The following PLCD4 variants were observed in gnomAD, a reference collection of about 807,000 sequenced individuals.
PLCD4 encodes the protein 1-phosphatidylinositol 4,5-bisphosphate phosphodiesterase delta-4.
A neutral mutation model predicts 90.2 loss-of-function variants in PLCD4; 63 were observed. The observed-to-expected ratio is 0.70, with a 90% CI of 0.57 to 0.86. The LOEUF (loss-of-function observed/expected upper bound fraction) is 0.86. PLCD4 is among the 40% of genes least tolerant of loss of function. PLCD4 has a pLI of 0.00. For missense variants in PLCD4, 830 were observed against 956.3 expected, an observed-to-expected ratio of 0.87 and a Z score of 1.74; for synonymous variants, 294 against 356.5, an observed-to-expected ratio of 0.82 and a Z score of 1.97.
chr2:218,634,113 T>C lies in PLCD4; in HGVS notation c.1615T>C (p.Phe539Leu). The change falls in exon 12 of 16, where the codon TTT becomes CTT. Residue 539 changes from phenylalanine (F) to leucine (L), a missense_variant. Coordinates refer to ENST00000450993, the MANE Select transcript of PLCD4 (RefSeq NM_032726.4). The surrounding 1 kb of genome is among the most constrained non-coding windows in gnomAD (Gnocchi z 4.0). ...KRLIKEAGNEFVQHNTWQLSR... is the reference protein window; with the variant it reads ...KRLIKEAGNELVQHNTWQLSR... ...TCTATACCCTTTTACAGGCAATGAG[T>C]TTGTGCAGCACAATACTTGGCAGTT... is the stretch of plus-strand genomic sequence containing the variant. The C allele has an allele frequency of 6.2e-7, 1 of 1,609,784 alleles. No individual in the cohort carries two copies.
rs1157021732 is a variant in PLCD4 at position 218,616,938 on chromosome 2, A to ATATATG, written c.181+876_181+877insTATATG. ...TATATATATATATATAGAGAGAGAG[A>ATATATG]GAGAGAGAGAGAGAGAGAGAGAGAG... On this transcript the variant is annotated intron_variant, in intron 3 of 15. Transcript: ENST00000450993. Among the ~76,000 whole-genome samples, 3 of 29,278 alleles carry ATATATG rather than the reference A, an allele frequency of 1.0e-4. 1 individual carries two copies. The highest frequency in any genetic ancestry group is 1.9e-4 in the Non-Finnish European group (3 of 15,806). 19.2% of individuals were successfully genotyped at this position (29,278 alleles called of 152,430 possible).
chr2:218,626,614 T>C (rs1696130487), intron 6 of PLCD4, among the ~76,000 whole-genome samples: 1 of 152,222 alleles, frequency 6.6e-6, no homozygotes, highest in African/African-American at 2.4e-5. Flanking sequence ...GAGTGAGTGC[T>C]TGATAACTGT....
intron 1 of PLCD4, among the ~76,000 whole-genome samples, chr2:218,611,378 A>T (rs901795605): frequency 6.6e-6 from 1 of 152,160 alleles, no homozygotes; most frequent in African/African-American, 2.4e-5. Flanking sequence ...CTCGGTTCTC[A>T]GGCTTCCCAT....
intron 9 of PLCD4, 24 bp from the exon 10 acceptor site, chr2:218,632,112 G>T: frequency 6.3e-7 from 1 of 1,582,884 alleles, no homozygotes; most frequent in Non-Finnish European, 8.6e-7. Context: ...CAGGTAGACA[G>T]GCCCCTTCAT....
chr2:218,620,927 A>T (rs1317151206), intron 4 of PLCD4, among the ~76,000 whole-genome samples: 1 of 147,282 alleles, frequency 6.8e-6, no homozygotes, highest in African/African-American at 2.5e-5. Context: ...AAGCTAAAGG[A>T]ATATGGACTT....
intron 10 of PLCD4, among the ~76,000 whole-genome samples, chr2:218,632,713 A>G (rs1162621118): frequency 6.6e-6 from 1 of 152,096 alleles, no homozygotes; most frequent in Non-Finnish European, 1.5e-5. Context: ...TATGTGTAAC[A>G]TTATTATATT....
Position 218,618,801 on chromosome 2 carries a change from TG to T in PLCD4, c.406del (p.Asp136ThrfsTer4). ...LVTSMDHQER[L>X]DQWLSDWFQR... ...ACCAGCATGGACCATCAGGAGCGCC[TG>T]GACCAGTATCGGCAGGATGGAGTCA... On this transcript the variant is annotated frameshift_variant, in exon 4 of 16. Coordinates refer to ENST00000450993, the MANE Select transcript of PLCD4 (RefSeq NM_032726.4). LOFTEE classifies it high-confidence loss of function. The T allele has an allele frequency of 6.3e-7, 1 of 1,585,780 alleles. No homozygotes were observed. The highest frequency in any genetic ancestry group is 1.8e-5 in the Admixed American group (1 of 55,058).
At chr2:218,609,985 G>A (rs138903355) in intron 1 of PLCD4, 1 of 152,504 alleles carries the variant, frequency 6.6e-6, no homozygotes, top group Non-Finnish European at 1.5e-5. Flanking sequence ...AAGAGAGAGA[G>A]AGAGGTGGGG....
intron 8 of PLCD4, among the ~76,000 whole-genome samples, chr2:218,630,091 C>G (rs1696295233): frequency 1.3e-5 from 2 of 152,170 alleles, no homozygotes; most frequent in Non-Finnish European, 2.9e-5. Flanking sequence ...GCAGGACAAT[C>G]CTTTGAACCC....
Position 218,615,919 on chromosome 2 carries a change from A to G in PLCD4, c.38A>G (p.Gln13Arg), listed in dbSNP as rs773100103. ...SLLQDQLTTDQDLLLMQEGMP... is the reference protein window; with the variant it reads ...SLLQDQLTTDRDLLLMQEGMP... ...CCTGACCTAGAGCTGACCACTGATC[A>G]GGACTTGCTGCTGATGCAGGAAGGC... Residue 13 changes from glutamine (Q) to arginine (R), a missense_variant, in exon 3 of 16, where the codon CAG (glutamine) becomes CGG (arginine). Gln to Arg is a conservative substitution (Grantham distance 43). Coordinates refer to ENST00000450993, the MANE Select transcript of PLCD4 (RefSeq NM_032726.4). 6 of 1,614,036 alleles carry G rather than the reference A, an allele frequency of 3.7e-6. No homozygotes were observed. The highest frequency in any genetic ancestry group is 5.1e-6 in the Non-Finnish European group (6 of 1,179,898).
At chr2:218,626,975 C>T (rs1170955704) in intron 6 of PLCD4, among the ~76,000 whole-genome samples, 7 of 152,062 alleles carry the variant, frequency 4.6e-5, no homozygotes, top group South Asian at 2.1e-4. Context: ...TTAACTAGGT[C>T]GGGCACGGTG....
chr2:218,632,378 T>G, intron 10 of PLCD4, 66 bp downstream of exon 10: 1 of 1,496,586 alleles, frequency 6.7e-7, no homozygotes, highest in Non-Finnish European at 8.9e-7. Flanking sequence ...GGCCTGTTCA[T>G]GAAGACTAGA....
At chr2:218,619,022 A>AC in intron 4 of PLCD4, 1 of 576,894 alleles carries the variant, frequency 1.7e-6, no homozygotes, top group Non-Finnish European at 3.1e-6. Context: ...AGGAATCAGG[A>AC]CCCCCAGGAT....
rs199832756 is a variant in PLCD4 at position 218,630,793 on chromosome 2, C to T, written c.1263C>T (p.Pro421=). The change falls in exon 9 of 16, where the codon CCC becomes CCT. Residue 421 remains proline, a synonymous_variant. Transcript: ENST00000450993. ...ATGGGGTGCTGCCCACTCAGCTGCC[C>T]TCGCCTGAGGTAGGGACACTGTTCC... ...TLDGVLPTQL[P]SPEELRRKIL... 1.1e-3 allele frequency: 1,694 copies of T among 1,612,298 alleles called. 5 individuals are homozygous for T. The highest frequency in any genetic ancestry group is 8.9e-4 in the Non-Finnish European group (1,052 of 1,179,094).
chr2:218,611,408 AG>A (rs146208497), intron 1 of PLCD4, among the ~76,000 whole-genome samples: 74 of 152,280 alleles, frequency 4.9e-4, no homozygotes, highest in African/African-American at 1.7e-3. Context: ...CATCATTGTG[AG>A]GCTCCTGGAC....
chr2:218,613,338 C>CCGAGATTG (rs1341670404), intron 1 of PLCD4, among the ~76,000 whole-genome samples: 1 of 145,216 alleles, frequency 6.9e-6, no homozygotes, highest in African/African-American at 2.6e-5. Flanking sequence ...TTGTAGTGAG[C>CCGAGATTG]CGAGATTGTG....
At chr2:218,623,174 T>C (rs1695959028) in intron 6 of PLCD4, among the ~76,000 whole-genome samples, 1 of 152,224 alleles carries the variant, frequency 6.6e-6, no homozygotes, top group Non-Finnish European at 1.5e-5. Flanking sequence ...TTCTTTCTGA[T>C]ACCAGCTTTG....
At chr2:218,610,814 G>A (rs1695299443) in intron 1 of PLCD4, among the ~76,000 whole-genome samples, 2 of 151,952 alleles carry the variant, frequency 1.3e-5, no homozygotes, top group East Asian at 1.9e-4. Flanking sequence ...TGCAGCCTCC[G>A]CCTCCTGGGT....
At chr2:218,636,101 C>T in intron 14 of PLCD4, 142 bp from the exon 15 acceptor site, 1 of 1,363,108 alleles carries the variant, frequency 7.3e-7, no homozygotes, top group Non-Finnish European at 1.0e-6. Context: ...GTGACCTGGG[C>T]AAATTACTTG....
Sources: allele counts gnomAD v4.1 joint callset (sites outside exome capture counted in the v4.1 genomes callset), GRCh38; gene constraint gnomAD v4.1.1; non-coding constraint Gnocchi (gnomAD v3.1); transcripts MANE v1.5; gene names NCBI Gene and HGNC (gene_info 2026-07-23, HGNC 2026-07-21).